The following MTBP variants were observed in gnomAD, a reference collection of about 807,000 sequenced individuals.
MTBP encodes the protein MDM2 binding protein.
Under a neutral mutation model 117.0 loss-of-function variants are expected in MTBP, and 101 were observed. The ratio of observed to expected loss-of-function variants is 0.86; its 90% CI spans 0.73 to 1.02. The LOEUF (loss-of-function observed/expected upper bound fraction) is 1.02, where lower values mean the gene tolerates loss of function less well. Among genes scored for constraint, MTBP ranks in the 50% least tolerant of loss-of-function variants. The pLI is 0.00. For missense variants in MTBP, 970 were observed against 1,030.9 expected, an observed-to-expected ratio of 0.94 and a Z score of 0.81; for synonymous variants, 350 against 351.5, an observed-to-expected ratio of 1.00 and a Z score of 0.05.
intron 13 of MTBP, 72 bp from the exon 14 acceptor site, chr8:120,497,321 T>G (rs1814487069): frequency 3.0e-6 from 4 of 1,339,936 alleles, no homozygotes; most frequent in Non-Finnish European, 4.1e-6. Flanking sequence ...TCTGAAAATA[T>G]TTTCCACAAA....
At chr8:120,459,705 T>C (rs1444418203) in intron 8 of MTBP, among the ~76,000 whole-genome samples, 1 of 152,188 alleles carries the variant, frequency 6.6e-6, no homozygotes, top group Non-Finnish European at 1.5e-5. Flanking sequence ...GGAACCTAAC[T>C]GTGTCACCTA....
intron 2 of MTBP, among the ~76,000 whole-genome samples, chr8:120,450,517 C>T (rs1813315411): frequency 6.6e-6 from 1 of 152,136 alleles, no homozygotes; most frequent in Non-Finnish European, 1.5e-5. Context: ...TTTATATCCT[C>T]ATATAATACT....
intron 7 of MTBP, among the ~76,000 whole-genome samples, chr8:120,457,815 T>C (rs897065510): frequency 3.3e-5 from 5 of 151,824 alleles, no homozygotes; most frequent in African/African-American, 4.8e-5. Context: ...TCCCAGCTAC[T>C]CAAGAGGCTG....
At position 120,445,462 on chromosome 8, in the gene MTBP, T is replaced by C. The variant is rs1363366722; in HGVS notation, c.-9T>C. On this transcript the variant is annotated 5_prime_UTR_variant, in exon 1 of 22. Transcript: ENST00000305949. ...CGAGACCTAAAGTTGGGGGGTGATC[T>C]CTGAGGAGATGGATCGGTACCTGCT... is the stretch of plus-strand genomic sequence containing the variant. 12 of 1,611,536 alleles carry C rather than the reference T, an allele frequency of 7.4e-6. No individual in the cohort carries two copies. Among genetic ancestry groups the C allele is most frequent in the East Asian group, 2.2e-5 (1 of 44,836 alleles).
intron 19 of MTBP, 82 bp downstream of exon 19, chr8:120,518,182 A>T: frequency 7.1e-7 from 1 of 1,398,848 alleles, no homozygotes; most frequent in Non-Finnish European, 9.6e-7. Flanking sequence ...ATGTCTAAAA[A>T]ATTTTATGAA....
rs150293030 is a variant in MTBP at position 120,499,966 on chromosome 8, CATTT to C, written c.1609+2419_1609+2422del. Among the ~76,000 whole-genome samples the C allele has an allele frequency of 5.1e-3, 779 of 152,248 alleles. 7 individuals are homozygous for C. Among genetic ancestry groups the C allele is most frequent in the African/African-American group, 0.017 (693 of 41,534 alleles). On this transcript the variant is annotated intron_variant, in intron 14 of 21. Transcript: ENST00000305949. ...CAAACACTTAAAAAGGATCTTCTGGCATTTATTTATAATTCTTGCTTTATTAATT... is the reference window on the plus strand; with the variant it reads ...CAAACACTTAAAAAGGATCTTCTGGCATTTATAATTCTTGCTTTATTAATT...
chr8:120,502,660 A>C (rs775734940), intron 15 of MTBP, 51 bp downstream of exon 15: 8 of 1,097,546 alleles, frequency 7.3e-6, no homozygotes, highest in Non-Finnish European at 1.1e-5. Context: ...AATTTGAATG[A>C]ATTTTTTAAA....
At position 120,495,462 on chromosome 8, in the gene MTBP, T is replaced by C. The variant is rs1047566424; in HGVS notation, c.1448-1931T>C. ...CAGCCCCATTTATTGAACTGTGTAG[T>C]TGATTGGCAATTTAAATGGGAGAGT... is the stretch of plus-strand genomic sequence containing the variant. On this transcript the variant is annotated intron_variant, in intron 13 of 21. Transcript: ENST00000305949. Among the ~76,000 whole-genome samples the C allele has an allele frequency of 2.0e-5, 3 of 152,108 alleles. No individual in the cohort carries two copies. The South Asian group carries it at 6.2e-4, about 32-fold the overall frequency.
chr8:120,502,522 G>A lies in MTBP; in HGVS notation c.1640G>A (p.Ser547Asn). The A allele has an allele frequency of 1.9e-6, 3 of 1,605,684 alleles. No individual in the cohort carries two copies. The highest frequency in any genetic ancestry group is 2.5e-6 in the Non-Finnish European group (3 of 1,177,086). ...DFSPVEPNSS[S>N]LMETNPLEWP... ...AGTCCAGTGGAACCTAATTCCTCAA[G>A]TCTAATGGAAACCAATCCTCTGGAA... The change falls in exon 15 of 22, where the codon AGT becomes AAT. Residue 547 changes from serine (S) to asparagine (N), a missense_variant. Physicochemically the swap from Ser to Asn is conservative, Grantham distance 46 (BLOSUM62 1). Transcript: ENST00000305949.
intron 2 of MTBP, among the ~76,000 whole-genome samples, chr8:120,447,152 A>G (rs1157196945): frequency 6.6e-6 from 1 of 152,080 alleles, no homozygotes; most frequent in African/African-American, 2.4e-5. Flanking sequence ...GAAAATGGAG[A>G]TGCCAAAACA....
At chr8:120,472,605 C>G (rs574077234) in intron 11 of MTBP, 1 of 152,294 alleles carries the variant, frequency 6.6e-6, no homozygotes, top group African/African-American at 2.4e-5. Flanking sequence ...GTCTTAGAGC[C>G]TTTTCCTTGC....
intron 11 of MTBP, among the ~76,000 whole-genome samples, chr8:120,487,544 G>T (rs967671779): frequency 6.6e-6 from 1 of 152,188 alleles, no homozygotes; most frequent in Non-Finnish European, 1.5e-5. Context: ...CTTCAACAAA[G>T]AAAGATTCTA....
intron 17 of MTBP, among the ~76,000 whole-genome samples, chr8:120,513,987 A>G (rs993438367): frequency 2.1e-4 from 32 of 150,510 alleles, no homozygotes; most frequent in African/African-American, 6.8e-4. Flanking sequence ...TTAGAGATCA[A>G]TTTTGTCACC....
intron 2 of MTBP, among the ~76,000 whole-genome samples, chr8:120,450,579 A>C (rs958966850): frequency 2.6e-5 from 4 of 152,174 alleles, no homozygotes; most frequent in African/African-American, 9.6e-5. Flanking sequence ...TTTGCTCTTT[A>C]ACGCCTCTGT....
intron 11 of MTBP, among the ~76,000 whole-genome samples, chr8:120,480,689 A>T (rs1214169009): frequency 1.3e-5 from 2 of 152,080 alleles, no homozygotes; most frequent in African/African-American, 4.8e-5. Flanking sequence ...AAAATTATGT[A>T]TATATATTTA....
chr8:120,516,992 AAGC>A (rs1336001658), intron 18 of MTBP, among the ~76,000 whole-genome samples: 5 of 151,918 alleles, frequency 3.3e-5, no homozygotes, highest in Non-Finnish European at 7.4e-5. Flanking sequence ...TAAAATTAAA[AAGC>A]AGCAGTTACA....
chr8:120,453,959 T>G, intron 5 of MTBP, 54 bp downstream of exon 5: 1 of 1,023,580 alleles, frequency 9.8e-7, no homozygotes, highest in South Asian at 1.6e-5. Flanking sequence ...TTACACTTTA[T>G]GAATAAATGA....
intron 11 of MTBP, among the ~76,000 whole-genome samples, chr8:120,483,299 A>G (rs1013697148): frequency 6.6e-6 from 1 of 152,130 alleles, no homozygotes; most frequent in African/African-American, 2.4e-5. Context: ...TAGCCTCCTA[A>G]GATGCCTACA....
chr8:120,476,913 T>A lies in MTBP; in HGVS notation c.1165+5976T>A, dbSNP rs552945898. 1.5e-3 allele frequency among the ~76,000 whole-genome samples: 234 copies of A among 152,296 alleles called. 1 individual carries two copies. Among genetic ancestry groups the A allele is most frequent in the Non-Finnish European group, 7.2e-4 (49 of 68,032 alleles). Reference sequence around the variant, plus strand: ...ATTAGAAAAACTACTTTAAATTTCATATGGAACCAAAAAAGAGCTCATATA... The same window carrying A: ...ATTAGAAAAACTACTTTAAATTTCAAATGGAACCAAAAAAGAGCTCATATA... On this transcript the variant is annotated intron_variant, in intron 11 of 21. Transcript: ENST00000305949.
Sources: gnomAD v4.1 joint callset for allele counts (sites outside exome capture counted in the v4.1 genomes callset) on GRCh38, gnomAD v4.1.1 for gene constraint, MANE v1.5 for transcripts, NCBI Gene and HGNC (gene_info 2026-07-23, HGNC 2026-07-21) for gene names.